The following EVI5 variants were observed in gnomAD, a reference collection of about 807,000 sequenced individuals.
The protein encoded by EVI5 is ecotropic viral integration site 5, also known as ecotropic viral integration site 5 protein homolog.
Under a neutral mutation model 112.0 loss-of-function variants are expected in EVI5, and 73 were observed. The ratio of observed to expected loss-of-function variants is 0.65; its 90% CI spans 0.54 to 0.79. EVI5 has a LOEUF of 0.79. EVI5 is among the 30% of genes least tolerant of loss of function. EVI5 has a pLI of 0.00. For synonymous variants in EVI5, 305 were observed against 319.9 expected (o/e 0.95, Z 0.50); for missense variants, 900 against 968.8 (o/e 0.93, Z 0.94).
At chr1:92,600,588 G>T (rs570473005) in intron 18 of EVI5, among the ~76,000 whole-genome samples, 1 of 152,172 alleles carries the variant, frequency 6.6e-6, no homozygotes, top group Non-Finnish European at 1.5e-5. Flanking sequence ...GAGAGGGTGG[G>T]AGAATGGTTT....
At chr1:92,622,847 A>G (rs1266115595) in intron 16 of EVI5, among the ~76,000 whole-genome samples, 1 of 152,166 alleles carries the variant, frequency 6.6e-6, no homozygotes, top group East Asian at 1.9e-4. Context: ...ACCTAGTTGA[A>G]ATTAATTTTC....
At chr1:92,703,819 G>A (rs1322871248) in intron 3 of EVI5, 200 bp from the exon 4 acceptor site, 2 of 463,912 alleles carry the variant, frequency 4.3e-6, no homozygotes, top group Admixed American at 4.4e-5. Context: ...TCTGGTCAGG[G>A]GATTAATAAT....
At chr1:92,640,019 C>A (rs1470197655) in intron 13 of EVI5, among the ~76,000 whole-genome samples, 13 of 152,134 alleles carry the variant, frequency 8.5e-5, no homozygotes, top group Admixed American at 8.5e-4. Context: ...GGGAAAGGAT[C>A]TCCTATTCAA....
At chr1:92,566,588 AT>A in intron 18 of EVI5, among the ~76,000 whole-genome samples, 1 of 152,138 alleles carries the variant, frequency 6.6e-6, no homozygotes. Context: ...ATTTTAGTGT[AT>A]TCTTTTTATT....
chr1:92,508,933 C>T lies in EVI5; in HGVS notation c.*4723G>A, dbSNP rs201068500. On this transcript the variant is annotated 3_prime_UTR_variant, in exon 20 of 20. Coordinates refer to ENST00000684568, the MANE Select transcript of EVI5 (RefSeq NM_001350197.2). ...TGGATCATAAATAGCATCCACTATACCTTTAACCAGAAATTAAACTTCAGT... is the reference window on the plus strand; with the variant it reads ...TGGATCATAAATAGCATCCACTATATCTTTAACCAGAAATTAAACTTCAGT... 6.6e-6 allele frequency: 1 copy of T among 152,116 alleles called. No individual in the cohort carries two copies. The highest frequency in any genetic ancestry group is 2.1e-4 in the South Asian group (1 of 4,830). The allele number at this position is 152,116 out of a possible 1,614,324, so 9.4% of individuals were successfully genotyped here.
intron 5 of EVI5, among the ~76,000 whole-genome samples, chr1:92,698,239 AATACTGATTTACAGCCAG>A (rs1441422387): frequency 5.3e-5 from 8 of 152,156 alleles, no homozygotes; most frequent in African/African-American, 1.2e-4. Context: ...TTCAACCCAA[AATACTGATTTACAGCCAG>A]ATACTTTTCT....
intron 10 of EVI5, among the ~76,000 whole-genome samples, chr1:92,666,340 G>A (rs907376809): frequency 6.6e-6 from 1 of 151,720 alleles, no homozygotes; most frequent in Non-Finnish European, 1.5e-5. Flanking sequence ...GGGCAACAGG[G>A]TGAAACCTTG....
chr1:92,737,583 T>G (rs1157857336), intron 1 of EVI5, among the ~76,000 whole-genome samples: 1 of 151,702 alleles, frequency 6.6e-6, no homozygotes, highest in African/African-American at 2.4e-5. Flanking sequence ...CTAACACTGG[T>G]TTATATATGG....
rs531003365 is a variant in EVI5, at chr1:92,633,892, T to C, written c.1527+2310A>G. 5.9e-5 allele frequency among the ~76,000 whole-genome samples: 9 copies of C among 152,304 alleles called. No homozygotes were observed. In the East Asian group the frequency reaches 1.5e-3, roughly 26 times the overall value. ...GCAGGCCTGGTGGTGACAAAATCTCTCACCATTTGCTTGACTGAGGAGGAT... is the reference window on the plus strand; with the variant it reads ...GCAGGCCTGGTGGTGACAAAATCTCCCACCATTTGCTTGACTGAGGAGGAT... On this transcript the variant is annotated intron_variant, in intron 14 of 19. Transcript: ENST00000684568.
chr1:92,511,550 C>T lies in EVI5; in HGVS notation c.*2106G>A, dbSNP rs1249858878. 1 of 152,078 alleles carries T rather than the reference C, an allele frequency of 6.6e-6. No individual in the cohort carries two copies. Among genetic ancestry groups the T allele is most frequent in the Admixed American group, 6.6e-5 (1 of 15,256 alleles). The allele number at this position is 152,078 out of a possible 1,614,324, so 9.4% of individuals were successfully genotyped here. The stretch of plus-strand genomic sequence containing the variant: ...GGAGATCTAGGTTAAAATCTTGGCT[C>T]TTGCTGGGAGCAGTAGCTCGCACCT... On this transcript the variant is annotated 3_prime_UTR_variant, in exon 20 of 20. Coordinates refer to ENST00000684568, the MANE Select transcript of EVI5 (RefSeq NM_001350197.2).
In EVI5 at chr1:92,660,908, C is replaced by T. The variant is rs148182738; in HGVS notation, c.1392+1811G>A. Among the ~76,000 whole-genome samples the T allele has an allele frequency of 9.3e-4, 142 of 151,882 alleles. 1 individual carries two copies. The highest frequency in any genetic ancestry group is 3.3e-3 in the African/African-American group (137 of 41,470). On this transcript the variant is annotated intron_variant, in intron 13 of 19. Transcript: ENST00000684568. ...ATTTCCAACACATCAAGCTACATAC[C>T]TACATTTGATGAATTTTATTACATA...
chr1:92,728,752 G>C (rs1230237562), intron 2 of EVI5, among the ~76,000 whole-genome samples: 4 of 152,174 alleles, frequency 2.6e-5, no homozygotes, highest in Non-Finnish European at 1.5e-5. Context: ...AGTTCCAGAA[G>C]TAAATAATTC....
At chr1:92,589,569 G>C (rs1404461242) in intron 18 of EVI5, among the ~76,000 whole-genome samples, 1 of 152,216 alleles carries the variant, frequency 6.6e-6, no homozygotes, top group Non-Finnish European at 1.5e-5. Flanking sequence ...GGCTGGGGGA[G>C]GGGCGCCTGC....
intron 13 of EVI5, among the ~76,000 whole-genome samples, chr1:92,661,210 T>G (rs1023545075): frequency 7.9e-5 from 12 of 152,112 alleles, no homozygotes; most frequent in African/African-American, 2.7e-4. Flanking sequence ...GAATACAAAT[T>G]TAAAACCCTT....
At chr1:92,652,994 G>A (rs565354390) in intron 13 of EVI5, among the ~76,000 whole-genome samples, 5 of 152,180 alleles carry the variant, frequency 3.3e-5, no homozygotes, top group East Asian at 1.9e-4. Context: ...CTGAACTGTC[G>A]GAGATCTCCT....
intron 18 of EVI5, among the ~76,000 whole-genome samples, chr1:92,578,872 G>C (rs774808674): frequency 2.0e-5 from 3 of 152,054 alleles, no homozygotes; most frequent in Non-Finnish European, 2.9e-5. Context: ...TATAAACCAT[G>C]GTTTTGTTTG....
At chr1:92,586,395 A>C (rs904794746) in intron 18 of EVI5, among the ~76,000 whole-genome samples, 1 of 152,246 alleles carries the variant, frequency 6.6e-6, no homozygotes, top group South Asian at 2.1e-4. Context: ...TCATCATTTA[A>C]ATCAATATAG....
At chr1:92,613,614 C>A (rs577917858) in intron 16 of EVI5, among the ~76,000 whole-genome samples, 8 of 151,882 alleles carry the variant, frequency 5.3e-5, no homozygotes, top group African/African-American at 1.9e-4. Flanking sequence ...AATTTAGAAA[C>A]AGGATCTTAC....
chr1:92,788,195 C>T (rs1194351098), upstream of EVI5, among the ~76,000 whole-genome samples: 3 of 152,008 alleles, frequency 2.0e-5, no homozygotes, highest in Non-Finnish European at 4.4e-5. Flanking sequence ...AGTGGCCGGG[C>T]GTAGTGGCTC....
Sources: gnomAD v4.1 joint callset for allele counts (sites outside exome capture counted in the v4.1 genomes callset) on GRCh38, gnomAD v4.1.1 for gene constraint, MANE v1.5 for transcripts, NCBI Gene and HGNC (gene_info 2026-07-23, HGNC 2026-07-21) for gene names.